Variants in MAP7D1 observed in about 807,000 individuals in gnomAD.
The protein encoded by MAP7D1 is MAP7 domain containing 1, also known as MAP7 domain-containing protein 1.
A neutral mutation model predicts 97.5 loss-of-function variants in MAP7D1; 30 were observed. The observed-to-expected ratio is 0.31, with a 90% CI of 0.23 to 0.42. The LOEUF (loss-of-function observed/expected upper bound fraction) is 0.42. Ranked by LOEUF, MAP7D1 falls within the 10% of genes least tolerant of loss-of-function variation. MAP7D1 has a pLI of 1.00. For missense variants in MAP7D1, 1,184 were observed against 1,179.5 expected, an observed-to-expected ratio of 1.00 and a Z score of -0.06; for synonymous variants, 536 against 477.1, an observed-to-expected ratio of 1.12 and a Z score of -1.61.
In MAP7D1 at chr1:36,173,485, A is replaced by G; in HGVS notation, c.739+7A>G. ...TCTCCAGGACATAAGACCAGTGAGT[A>G]GGCTGGAGGGGCTGGGGAGTGGGTG... On this transcript the variant is annotated splice_region_variant and intron_variant, in intron 5 of 16. Transcript: ENST00000474796. 6.7e-7 allele frequency: 1 copy of G among 1,489,166 alleles called. No homozygotes were observed. Among genetic ancestry groups the G allele is most frequent in the Non-Finnish European group, 9.2e-7 (1 of 1,081,662 alleles). 92.2% of individuals were successfully genotyped at this position (1,489,166 alleles called of 1,614,324 possible). A position where few individuals can be genotyped will look rare whatever the true frequency, so the allele number is the denominator to read the frequency against.
At position 36,176,353 on chromosome 1, in the gene MAP7D1, G is replaced by A. The variant is rs1221470388; in HGVS notation, c.1005G>A (p.Thr335=). 15 of 1,526,640 alleles carry A rather than the reference G, an allele frequency of 9.8e-6. No homozygotes were observed. Among genetic ancestry groups the A allele is most frequent in the Middle Eastern group, 2.3e-4 (1 of 4,402 alleles). 94.6% of individuals were successfully genotyped at this position (1,526,640 alleles called of 1,614,324 possible). A position where few individuals can be genotyped will look rare whatever the true frequency, so the allele number is the denominator to read the frequency against. Residue 335 remains threonine, a synonymous_variant, in exon 7 of 17, where the codon ACG becomes ACA. Coordinates refer to ENST00000474796, the MANE Select transcript of MAP7D1 (RefSeq NM_001388490.1). This position sits in a 1 kb window ranked among gnomAD's most constrained non-coding sequence, Gnocchi z 6.1. ...GRGCDPGRGP[T]WGRAGASLAR... is the part of the protein sequence containing the mutation. ...GCTGCGACCCTGGGAGAGGCCCCACGTGGGGCCGGGCAGGGGCCAGCCTGG... is the reference window on the plus strand; with the variant it reads ...GCTGCGACCCTGGGAGAGGCCCCACATGGGGCCGGGCAGGGGCCAGCCTGG...
At chr1:36,169,897 G>A (rs1644518776) in intron 1 of MAP7D1, among the ~76,000 whole-genome samples, 1 of 152,192 alleles carries the variant, frequency 6.6e-6, no homozygotes, top group African/African-American at 2.4e-5. Flanking sequence ...GGGAGACTGA[G>A]GCAGAAGGAT....
At position 36,176,118 on chromosome 1, in the gene MAP7D1, G is replaced by A. The variant is rs1454875289; in HGVS notation, c.851-81G>A. The stretch of plus-strand genomic sequence containing the variant: ...GAAGCCTTGGCCTTGGCATGGGGAT[G>A]GTGCCTGGTCTGCTCCCTTGCCTCT... On this transcript the variant is annotated intron_variant, in intron 6 of 16. Coordinates refer to ENST00000474796, the MANE Select transcript of MAP7D1 (RefSeq NM_001388490.1). The surrounding 1 kb of genome is among the most constrained non-coding windows in gnomAD (Gnocchi z 6.1). 2 of 1,501,504 alleles carry A rather than the reference G, an allele frequency of 1.3e-6. No individual in the cohort carries two copies. The highest frequency in any genetic ancestry group is 1.4e-5 in the African/African-American group (1 of 70,674). The allele number at this position is 1,501,504 out of a possible 1,614,324, so 93.0% of individuals were successfully genotyped here.
At position 36,156,570 on chromosome 1, in the gene MAP7D1, C is replaced by G. The variant is rs568691335; in HGVS notation, c.46+107C>G. 531 of 882,334 alleles carry G rather than the reference C, an allele frequency of 6.0e-4. 2 individuals carry two copies. In the African/African-American group the frequency reaches 7.8e-3, roughly 13 times the overall value. The allele number at this position is 882,334 out of a possible 1,614,324, so 54.7% of individuals were successfully genotyped here. On this transcript the variant is annotated intron_variant, in intron 1 of 16. Transcript: ENST00000474796. The stretch of plus-strand genomic sequence containing the variant: ...GCGGGGACCCCTCCGCTGCCGCGCC[C>G]TCTGACCACTTGGAAGTTTAAAAAT...
chr1:36,156,608 G>A, intron 1 of MAP7D1, 145 bp downstream of exon 1: 1 of 613,528 alleles, frequency 1.6e-6, no homozygotes, highest in Non-Finnish European at 2.5e-6. Context: ...AGGCTGCGGC[G>A]GCGGCGGCTC....
chr1:36,165,955 C>G (rs1644469821), intron 1 of MAP7D1, among the ~76,000 whole-genome samples: 1 of 152,094 alleles, frequency 6.6e-6, no homozygotes, highest in Non-Finnish European at 1.5e-5. Context: ...GTCTCGAACT[C>G]CTGACCTCAG....
rs1286589907 is a variant in MAP7D1 at position 36,159,662 on chromosome 1, T to A, written c.46+3199T>A. On this transcript the variant is annotated intron_variant, in intron 1 of 16. Coordinates refer to ENST00000474796, the MANE Select transcript of MAP7D1 (RefSeq NM_001388490.1). The surrounding 1 kb of genome is among the most constrained non-coding windows in gnomAD (Gnocchi z 5.4). ...GAAGTGAATCAGACGGAGTTTTGACTCTTGGGGAGCTCTTAACGCGGCGAG... is the reference window on the plus strand; with the variant it reads ...GAAGTGAATCAGACGGAGTTTTGACACTTGGGGAGCTCTTAACGCGGCGAG... 6.6e-6 allele frequency among the ~76,000 whole-genome samples: 1 copy of A among 152,082 alleles called. No individual in the cohort carries two copies. Among genetic ancestry groups the A allele is most frequent in the Non-Finnish European group, 1.5e-5 (1 of 68,010 alleles).
At chr1:36,172,321 C>G in intron 3 of MAP7D1, 143 bp from the exon 4 acceptor site, 1 of 779,120 alleles carries the variant, frequency 1.3e-6, no homozygotes, top group Non-Finnish European at 1.9e-6. Flanking sequence ...GGGGTTGTCT[C>G]AGACTGAAAG....
intron 16 of MAP7D1, 53 bp downstream of exon 16, chr1:36,180,120 G>C (rs1208615088): frequency 6.2e-7 from 1 of 1,610,748 alleles, no homozygotes; most frequent in Non-Finnish European, 8.5e-7. Flanking sequence ...AGCCTTCCCT[G>C]TACTCCTCAG....
At position 36,171,282 on chromosome 1, in the gene MAP7D1, G is replaced by C. The variant is rs1245331355; in HGVS notation, c.358G>C (p.Val120Leu). The change falls in exon 2 of 17, where the codon GTG becomes CTG. Residue 120 changes from valine to leucine, a missense_variant. Val to Leu is a conservative substitution (Grantham distance 32). Coordinates refer to ENST00000474796, the MANE Select transcript of MAP7D1 (RefSeq NM_001388490.1). Reference protein sequence around the residue: ...RRSSQPSPTAVPASDSPPTKQ... With the variant: ...RRSSQPSPTALPASDSPPTKQ... ...GAGCAGCCAGCCATCTCCAACAGCA[G>C]TGCCAGCCTCCGACAGCCCTCCCAC... 1 of 1,580,442 alleles carries C rather than the reference G, an allele frequency of 6.3e-7. No individual in the cohort carries two copies. The highest frequency in any genetic ancestry group is 1.2e-5 in the South Asian group (1 of 86,276).
intron 1 of MAP7D1, among the ~76,000 whole-genome samples, chr1:36,162,265 G>A (rs565162849): frequency 8.5e-5 from 13 of 152,094 alleles, no homozygotes; most frequent in South Asian, 2.1e-4. Context: ...CTCACTTCCC[G>A]CCTCTTGGGA....
intron 5 of MAP7D1, 43 bp from the exon 6 acceptor site, chr1:36,174,854 TC>T: frequency 1.6e-6 from 2 of 1,264,958 alleles, no homozygotes; most frequent in Non-Finnish European, 2.3e-6. Context: ...CCCCACTGGC[TC>T]CTGCCGGGCC....
chr1:36,170,584 C>T (rs1198741888), intron 1 of MAP7D1, among the ~76,000 whole-genome samples: 1 of 152,260 alleles, frequency 6.6e-6, no homozygotes, highest in Non-Finnish European at 1.5e-5. Flanking sequence ...TTCGCATATA[C>T]TCTTCTCTGC....
At position 36,170,985 on chromosome 1, in the gene MAP7D1, ACC is replaced by A; in HGVS notation, c.67_68del (p.Pro23ArgfsTer9). 11 of 1,107,718 alleles carry A rather than the reference ACC, an allele frequency of 9.9e-6. No individual in the cohort carries two copies. The highest frequency in any genetic ancestry group is 2.7e-5 in the South Asian group (2 of 75,400). 68.6% of individuals were successfully genotyped at this position (1,107,718 alleles called of 1,614,324 possible). ...AGAPPAVVAR[T>X]PPEPRPSPEG... The stretch of plus-strand genomic sequence containing the variant: ...TGGTCTTTCAGCTGTGGTCGCCAGG[ACC>A]CCCCCAGAGCCAAGACCTTCTCCAG... On this transcript the variant is annotated frameshift_variant, in exon 2 of 17. Transcript: ENST00000474796. LOFTEE classifies it high-confidence loss of function.
At chr1:36,169,315 G>A (rs1363596130) in intron 1 of MAP7D1, among the ~76,000 whole-genome samples, 11 of 151,334 alleles carry the variant, frequency 7.3e-5, no homozygotes, top group East Asian at 5.8e-4. Flanking sequence ...CCAGCACTTC[G>A]GGAGGCTGAG....
intron 1 of MAP7D1, among the ~76,000 whole-genome samples, chr1:36,161,964 C>T (rs1644418985): frequency 2.6e-5 from 4 of 151,490 alleles, no homozygotes; most frequent in Admixed American, 2.6e-4. Flanking sequence ...GCCCTGTTTA[C>T]ATTGTCTGGT....
intron 1 of MAP7D1, among the ~76,000 whole-genome samples, chr1:36,169,174 C>T (rs1280082156): frequency 6.6e-6 from 1 of 150,382 alleles, no homozygotes; most frequent in Admixed American, 6.7e-5. Flanking sequence ...ATCACTTGAA[C>T]TTGGAAGGCA....
intron 1 of MAP7D1, among the ~76,000 whole-genome samples, chr1:36,158,291 C>T (rs1644364385): frequency 6.6e-6 from 1 of 152,024 alleles, no homozygotes; most frequent in African/African-American, 2.4e-5. Flanking sequence ...CAGTTCCCCA[C>T]ACAGAATAGT....
At chr1:36,165,464 C>CTTTT (rs538278038) in intron 1 of MAP7D1, among the ~76,000 whole-genome samples, 1 of 136,090 alleles carries the variant, frequency 7.3e-6, no homozygotes, top group African/African-American at 2.7e-5. Flanking sequence ...TTTTCTTTTT[C>CTTTT]TTTTTTTTTT....
Sources: allele counts gnomAD v4.1 joint callset (sites outside exome capture counted in the v4.1 genomes callset), GRCh38; gene constraint gnomAD v4.1.1; non-coding constraint Gnocchi (gnomAD v3.1); transcripts MANE v1.5; gene names NCBI Gene and HGNC (gene_info 2026-07-23, HGNC 2026-07-21).